Variants in RARB observed in about 807,000 individuals in gnomAD.
RARB encodes retinoic acid receptor beta.
Under a neutral mutation model 51.9 loss-of-function variants are expected in RARB, and 17 were observed. The observed-to-expected ratio is 0.33, with a 90% CI of 0.22 to 0.49. The LOEUF is 0.49. Among genes scored for constraint, RARB ranks in the 20% least tolerant of loss-of-function variants. The probability of loss-of-function intolerance (pLI) is 0.99; values close to 1 mark genes in which losing one functional copy is unlikely to be tolerated. For synonymous variants in RARB, 215 were observed against 195.4 expected (o/e 1.10, Z -0.84); for missense variants, 369 against 550.8 (o/e 0.67, Z 3.30).
intron 2 of RARB, among the ~76,000 whole-genome samples, chr3:24,996,371 C>T (rs1200510577): frequency 6.6e-6 from 1 of 151,884 alleles, no homozygotes; most frequent in African/African-American, 2.4e-5. Flanking sequence ...ATTAGTCTAT[C>T]TAATGATTTG....
chr3:25,425,670 A>C (rs1707969094), upstream of RARB, among the ~76,000 whole-genome samples: 1 of 152,180 alleles, frequency 6.6e-6, no homozygotes, highest in Non-Finnish European at 1.5e-5. Flanking sequence ...GAGTCGCCCA[A>C]CCTTTACCAC....
At chr3:24,923,381 A>G (rs766836764) in intron 2 of RARB, among the ~76,000 whole-genome samples, 3 of 152,200 alleles carry the variant, frequency 2.0e-5, no homozygotes, top group Non-Finnish European at 2.9e-5. Context: ...TAATCATGCT[A>G]AAAGAATTCA....
At position 25,596,405 on chromosome 3, in the gene RARB, A is replaced by G; in HGVS notation, c.1151-15A>G. 1.3e-6 allele frequency: 2 copies of G among 1,591,224 alleles called. No homozygotes were observed. The highest frequency in any genetic ancestry group is 1.7e-6 in the Non-Finnish European group (2 of 1,160,554). On this transcript the variant is annotated splice_polypyrimidine_tract_variant and intron_variant, in intron 7 of 7. Transcript: ENST00000330688. ...TCCTTATCTTAACCATATTTCCATTATCTCTTTTGAAAAGGTGCAGAGCGT... is the reference window on the plus strand; with the variant it reads ...TCCTTATCTTAACCATATTTCCATTGTCTCTTTTGAAAAGGTGCAGAGCGT...
At chr3:25,394,917 G>C (rs185016427) in intron 5 of RARB, among the ~76,000 whole-genome samples, 4 of 152,142 alleles carry the variant, frequency 2.6e-5, no homozygotes, top group Admixed American at 1.3e-4. Flanking sequence ...GTATGAAAAC[G>C]TGAGGTACTA....
chr3:25,219,832 G>A (rs1701907542), intron 5 of RARB, among the ~76,000 whole-genome samples: 1 of 152,120 alleles, frequency 6.6e-6, no homozygotes, highest in Admixed American at 6.5e-5. Flanking sequence ...GCTCCACAGA[G>A]GTTTTTAACT....
At chr3:24,941,493 C>T (rs1022214490) in intron 2 of RARB, among the ~76,000 whole-genome samples, 4 of 152,012 alleles carry the variant, frequency 2.6e-5, no homozygotes, top group African/African-American at 9.7e-5. Flanking sequence ...CCTCAGTCTC[C>T]CGAATAGCTG....
At chr3:24,889,046 T>C (rs1046602465) in intron 2 of RARB, among the ~76,000 whole-genome samples, 1 of 152,202 alleles carries the variant, frequency 6.6e-6, no homozygotes, top group African/African-American at 2.4e-5. Flanking sequence ...AAATAGAAGA[T>C]GGGACGTTCT....
intron 5 of RARB, among the ~76,000 whole-genome samples, chr3:25,362,828 T>C (rs568651233): frequency 3.9e-5 from 6 of 152,302 alleles, no homozygotes; most frequent in African/African-American, 1.4e-4. Flanking sequence ...CCCAGTGAGA[T>C]GAACCAGGTA....
intron 2 of RARB, among the ~76,000 whole-genome samples, chr3:25,006,027 A>G (rs1697265143): frequency 6.6e-6 from 1 of 152,008 alleles, no homozygotes; most frequent in Non-Finnish European, 1.5e-5. Flanking sequence ...GGGCTTTTGC[A>G]CTCACTGTTC....
chr3:25,089,103 G>A (rs1205406991), intron 3 of RARB, among the ~76,000 whole-genome samples: 1 of 151,882 alleles, frequency 6.6e-6, no homozygotes, highest in African/African-American at 2.4e-5. Flanking sequence ...AGTAATTAGA[G>A]ATTCTTCTCA....
chr3:25,233,765 TG>T (rs1275981069), intron 5 of RARB, among the ~76,000 whole-genome samples: 4 of 149,154 alleles, frequency 2.7e-5, no homozygotes, highest in Admixed American at 1.3e-4. Context: ...GTTTGGTTGT[TG>T]TTTTTTTTTT....
At chr3:25,562,166 G>C (rs1700296112) in intron 3 of RARB, among the ~76,000 whole-genome samples, 1 of 152,118 alleles carries the variant, frequency 6.6e-6, no homozygotes, top group African/African-American at 2.4e-5. Flanking sequence ...TTCAGCAGAA[G>C]TGAACTTGAG....
chr3:25,392,569 G>T lies in RARB; in HGVS notation c.179-68624G>T, dbSNP rs576871065. On this transcript the variant is annotated intron_variant, in intron 5 of 11. Coordinates refer to the RARB transcript ENST00000383772. ...TTTGTGTTGTCTGTGATTTCTTTCA[G>T]CAGTGTTTTATAGTTTTCCTTGTAG... Among the ~76,000 whole-genome samples, 30 of 152,176 alleles carry T rather than the reference G, an allele frequency of 2.0e-4. 1 individual carries two copies. Among genetic ancestry groups the T allele is most frequent in the African/African-American group, 6.5e-4 (27 of 41,550 alleles).
rs376573210 is a variant in RARB, at chr3:25,171,366, T to G, written c.-279-2753T>G. Among the ~76,000 whole-genome samples, 37 of 150,832 alleles carry G rather than the reference T, an allele frequency of 2.5e-4. No homozygotes were observed. The East Asian group carries it at 4.9e-3, about 20-fold the overall frequency. Reference sequence around the variant, plus strand: ...CCAGGAATAGCCTTAATCAGTCACATATGTGAACATAGACCCAGTGACTGC... The same window carrying G: ...CCAGGAATAGCCTTAATCAGTCACAGATGTGAACATAGACCCAGTGACTGC... On this transcript the variant is annotated intron_variant, in intron 4 of 11. Coordinates refer to the RARB transcript ENST00000383772.
chr3:25,473,235 T>G (rs1367862146), intron 2 of RARB, among the ~76,000 whole-genome samples: 2 of 151,964 alleles, frequency 1.3e-5, no homozygotes, highest in African/African-American at 4.8e-5. Context: ...AAAGGAAGAT[T>G]AAATGTGTCA....
intron 2 of RARB, among the ~76,000 whole-genome samples, chr3:24,871,994 C>A (rs1173775783): frequency 6.6e-6 from 1 of 152,134 alleles, no homozygotes; most frequent in Admixed American, 6.5e-5. Flanking sequence ...AAGGGGCCTG[C>A]TTTGTTCCCT....
intron 3 of RARB, among the ~76,000 whole-genome samples, chr3:25,116,131 GGAAGTAACT>G (rs1699683882): frequency 6.6e-6 from 1 of 152,106 alleles, no homozygotes. Flanking sequence ...TCTCTTGATT[GGAAGTAACT>G]GAAGTAACTG....
At chr3:25,295,153 G>C (rs1350575144) in intron 5 of RARB, among the ~76,000 whole-genome samples, 1 of 152,192 alleles carries the variant, frequency 6.6e-6, no homozygotes, top group African/African-American at 2.4e-5. Context: ...TTAAGTACTT[G>C]TGTTCAAATC....
intron 2 of RARB, among the ~76,000 whole-genome samples, chr3:24,962,240 CTT>C (rs1350372276): frequency 5.0e-4 from 76 of 152,200 alleles, no homozygotes; most frequent in African/African-American, 1.7e-3. Flanking sequence ...CTTTGGGTGT[CTT>C]TTAAAGAATA....
Sources: allele counts gnomAD v4.1 joint callset (sites outside exome capture counted in the v4.1 genomes callset), GRCh38; gene constraint gnomAD v4.1.1; transcripts MANE v1.5; gene names NCBI Gene and HGNC (gene_info 2026-07-23, HGNC 2026-07-21).